DMD: variants seen among roughly 807,000 people sequenced by gnomAD.
The protein encoded by DMD is dystrophin, also known as mutant dystrophin.
DMD carries 63 observed loss-of-function variants against 330.1 expected under a neutral mutation model. The observed-to-expected ratio is 0.19, with a 90% CI of 0.16 to 0.24. The LOEUF is 0.24. DMD is among the 10% of genes least tolerant of loss of function. The pLI is 1.00. For synonymous variants in DMD, 1,223 were observed against 959.8 expected (o/e 1.27, Z -5.07); for missense variants, 3,344 against 2,684.1 (o/e 1.25, Z -5.43).
intron 8 of DMD, among the ~76,000 whole-genome samples, chrX:32,698,875 TATG>T (rs2063857604): frequency 9.0e-6 from 1 of 111,465 alleles, no homozygotes; most frequent in Admixed American, 9.6e-5. Context: ...TCTATATTCC[TATG>T]ATATGGTACA....
At position 32,910,731 on chromosome X, in the gene DMD, G is replaced by A. The variant is rs376988830; in HGVS notation, c.94-60911C>T. Among the ~76,000 whole-genome samples, 4 of 111,864 alleles carry A rather than the reference G, an allele frequency of 3.6e-5. No homozygotes were observed. In the East Asian group the frequency reaches 1.1e-3, roughly 31 times the overall value. The stretch of plus-strand genomic sequence containing the variant: ...GCTGGGATTACAGGAGTGAGCCACC[G>A]CGCCCCGCCCTAGAACACACTTTCT... On this transcript the variant is annotated intron_variant, in intron 2 of 78. Transcript: ENST00000357033.
chrX:32,707,783 C>T (rs111418539), intron 7 of DMD, among the ~76,000 whole-genome samples: 18 of 111,912 alleles, frequency 1.6e-4, no homozygotes, highest in African/African-American at 5.8e-4. Flanking sequence ...CAAATGGAAG[C>T]TACTCAGTCA....
At chrX:31,624,614 G>T (rs896914553) in intron 55 of DMD, among the ~76,000 whole-genome samples, 4 of 112,083 alleles carry the variant, frequency 3.6e-5, no homozygotes, top group Non-Finnish European at 7.5e-5. Flanking sequence ...GCATTTGTAT[G>T]AAGTAAATCA....
chrX:32,155,360 C>T (rs1451392742), intron 44 of DMD: 3 of 738,502 alleles, frequency 4.1e-6, no homozygotes, highest in Admixed American at 8.9e-5. Context: ...CACTCAGACA[C>T]ACTTGCCTAC....
chrX:32,411,588 A>G (rs1446327554), intron 30 of DMD, among the ~76,000 whole-genome samples, 164 bp downstream of exon 30: 1 of 111,665 alleles, frequency 9.0e-6, no homozygotes, highest in Non-Finnish European at 1.9e-5. Context: ...TAGACTAATG[A>G]TCTAGACCCC....
At chrX:31,788,182 G>A (rs1054629764) in intron 50 of DMD, among the ~76,000 whole-genome samples, 3 of 111,624 alleles carry the variant, frequency 2.7e-5, no homozygotes, top group African/African-American at 9.8e-5. Context: ...AATTAAGAGT[G>A]TAAAGAGTGT....
chrX:32,336,463 C>G (rs757909114), intron 41 of DMD, among the ~76,000 whole-genome samples: 1 of 112,006 alleles, frequency 8.9e-6, no homozygotes, highest in Admixed American at 9.5e-5. Context: ...TGCTGTAGGA[C>G]AAGCTATCCA....
At chrX:32,815,518 T>TACACACACACACAC (rs1355168422) in intron 6 of DMD, among the ~76,000 whole-genome samples, 110 of 45,474 alleles carry the variant, frequency 2.4e-3, no homozygotes, top group African/African-American at 7.8e-3. Flanking sequence ...TATATATATA[T>TACACACACACACAC]ATACACACAC....
intron 37 of DMD, among the ~76,000 whole-genome samples, chrX:32,362,145 A>G (rs1295819405): frequency 3.6e-5 from 4 of 111,926 alleles, no homozygotes; most frequent in Non-Finnish European, 7.5e-5. Context: ...GGCATATAAA[A>G]TTACAAAAAT....
At chrX:31,303,960 G>A (rs983835039) in intron 62 of DMD, among the ~76,000 whole-genome samples, 1 of 111,927 alleles carries the variant, frequency 8.9e-6, no homozygotes, top group African/African-American at 3.2e-5. Context: ...CACATATTCT[G>A]ATAAATAAAC....
At chrX:32,874,246 T>C (rs2083212797) in intron 2 of DMD, among the ~76,000 whole-genome samples, 1 of 112,210 alleles carries the variant, frequency 8.9e-6, no homozygotes, top group Non-Finnish European at 1.9e-5. Context: ...GGTAGAACAT[T>C]GCGACAAGTT....
At position 31,748,758 on chromosome X, in the gene DMD, C is replaced by A. The variant is rs141312779; in HGVS notation, c.7543-19010G>T. Among the ~76,000 whole-genome samples, 57 of 111,526 alleles carry A rather than the reference C, an allele frequency of 5.1e-4. No homozygotes were observed. The East Asian group carries it at 0.015, about 29-fold the overall frequency. ...CCATTTGAGGTAGGTTAATAATGAC[C>A]ACCCCTCAATGGTTCTGTACTTACA... On this transcript the variant is annotated intron_variant, in intron 51 of 78. Transcript: ENST00000357033.
chrX:32,576,136 T>G (rs1028479043), intron 13 of DMD, among the ~76,000 whole-genome samples: 1 of 111,935 alleles, frequency 8.9e-6, no homozygotes, highest in Non-Finnish European at 1.9e-5. Flanking sequence ...AAAAAACTAA[T>G]AGAGTAGTTC....
intron 7 of DMD, among the ~76,000 whole-genome samples, chrX:32,787,581 A>T (rs933443248): frequency 1.8e-5 from 2 of 111,476 alleles, no homozygotes; most frequent in Non-Finnish European, 3.8e-5. Context: ...ATACATACCT[A>T]TGATAAAATT....
chrX:32,930,295 A>C (rs2089469838), intron 2 of DMD, among the ~76,000 whole-genome samples: 1 of 110,831 alleles, frequency 9.0e-6, no homozygotes, highest in Admixed American at 9.7e-5. Context: ...AAGTCGAAAA[A>C]TTGTTAAGTT....
intron 44 of DMD, among the ~76,000 whole-genome samples, chrX:32,155,965 T>C (rs759795744): frequency 3.4e-5 from 3 of 88,628 alleles, no homozygotes; most frequent in African/African-American, 1.3e-4. Flanking sequence ...TGTATCCTTT[T>C]GTCATTCAAC....
At chrX:32,636,280 A>G (rs1489456028) in intron 11 of DMD, among the ~76,000 whole-genome samples, 1 of 112,020 alleles carries the variant, frequency 8.9e-6, no homozygotes, top group African/African-American at 3.2e-5. Context: ...TAATTGCCAT[A>G]GTTATTATAC....
chrX:32,779,140 G>T (rs2074457577), intron 7 of DMD, among the ~76,000 whole-genome samples: 1 of 110,987 alleles, frequency 9.0e-6, no homozygotes, highest in Non-Finnish European at 1.9e-5. Flanking sequence ...AATTGTTCAT[G>T]TATGAATTAT....
intron 2 of DMD, among the ~76,000 whole-genome samples, chrX:32,996,078 G>A (rs1423583158): frequency 8.9e-6 from 1 of 111,976 alleles, no homozygotes; most frequent in African/African-American, 3.2e-5. Context: ...TTGATCCGCT[G>A]TAAAATTACA....
Sources: gnomAD v4.1 joint callset for allele counts (sites outside exome capture counted in the v4.1 genomes callset) on GRCh38, gnomAD v4.1.1 for gene constraint, MANE v1.5 for transcripts, NCBI Gene and HGNC (gene_info 2026-07-23, HGNC 2026-07-21) for gene names.